The following ZNF169 variants were observed in gnomAD, a reference collection of about 807,000 sequenced individuals.
ZNF169 encodes the protein zinc finger protein 169.
A neutral mutation model predicts 12.0 loss-of-function variants in ZNF169; 11 were observed. The ratio of observed to expected loss-of-function variants is 0.92; its 90% CI spans 0.58 to 1.52. The LOEUF is 1.52. Ranked by LOEUF, ZNF169 falls within the 40% of genes most tolerant of loss-of-function variation. The pLI is 0.00. For synonymous variants in ZNF169, 302 were observed against 286.5 expected, an observed-to-expected ratio of 1.05 and a Z score of -0.55; for missense variants, 722 against 744.0, an observed-to-expected ratio of 0.97 and a Z score of 0.34.
At position 94,278,757 on chromosome 9, in the gene ZNF169, G is replaced by C; in HGVS notation, c.-55-1G>C. The stretch of plus-strand genomic sequence containing the variant: ...CTCTCACTTCTCATCTCTTTCCCCA[G>C]ATTTGCCTCTGCAACTTGACTCTCC... On this transcript the variant is annotated splice_acceptor_variant, in intron 1 of 4. Coordinates refer to ENST00000395395, the MANE Select transcript of ZNF169 (RefSeq NM_194320.4). LOFTEE classifies it low-confidence loss of function (5UTR_SPLICE). 6.3e-7 allele frequency: 1 copy of C among 1,577,454 alleles called. No individual in the cohort carries two copies.
At chr9:94,299,332 T>C (rs566725833) in intron 4 of ZNF169, 405 of 406,816 alleles carry the variant, frequency 1.0e-3, no homozygotes, top group South Asian at 1.4e-3. Context: ...GATTCGTGGG[T>C]GCCCCTTACT....
At chr9:94,280,207 G>T (rs1490208461) in intron 2 of ZNF169, among the ~76,000 whole-genome samples, 2 of 152,188 alleles carry the variant, frequency 1.3e-5, no homozygotes, top group South Asian at 2.1e-4. Flanking sequence ...GTCACTGAGA[G>T]CTGTGAGTCC....
At chr9:94,287,175 C>A (rs1029027314) in intron 2 of ZNF169, among the ~76,000 whole-genome samples, 1 of 152,174 alleles carries the variant, frequency 6.6e-6, no homozygotes, top group African/African-American at 2.4e-5. Context: ...ATGTTCCCTC[C>A]AAGTCTACCA....
At chr9:94,262,329 A>G (rs952223551) in intron 1 of ZNF169, among the ~76,000 whole-genome samples, 2 of 152,190 alleles carry the variant, frequency 1.3e-5, no homozygotes, top group Non-Finnish European at 2.9e-5. Context: ...CAGATGGGAA[A>G]AGGGGGTTAG....
Position 94,292,535 on chromosome 9 carries a change from G to T in ZNF169, c.160+68G>T, listed in dbSNP as rs1830863638. The T allele has an allele frequency of 2.6e-6, 4 of 1,561,614 alleles. No homozygotes were observed. The South Asian group carries it at 3.6e-5, about 14-fold the overall frequency. On this transcript the variant is annotated intron_variant, in intron 3 of 4. Transcript: ENST00000395395. Reference sequence around the variant, plus strand: ...ATTTTAAGCTCTTACATAGCAAGCTGCCATGCTTCTGACTCAGAAAAACAG... The same window carrying T: ...ATTTTAAGCTCTTACATAGCAAGCTTCCATGCTTCTGACTCAGAAAAACAG...
chr9:94,285,925 C>T (rs982586506), intron 2 of ZNF169, among the ~76,000 whole-genome samples: 1 of 151,940 alleles, frequency 6.6e-6, no homozygotes, highest in Non-Finnish European at 1.5e-5. Flanking sequence ...GTAGGAGAAT[C>T]GCTTGAACCC....
intron 2 of ZNF169, among the ~76,000 whole-genome samples, chr9:94,280,886 A>C (rs1179850546): frequency 6.6e-6 from 1 of 152,216 alleles, no homozygotes; most frequent in Admixed American, 6.5e-5. Context: ...AAAGCAGGTG[A>C]CAAGGGGAAC....
chr9:94,292,168 G>C (rs1830854245), intron 2 of ZNF169, among the ~76,000 whole-genome samples, 173 bp from the exon 3 acceptor site: 1 of 152,172 alleles, frequency 6.6e-6, no homozygotes, highest in South Asian at 2.1e-4. Flanking sequence ...GTGTATGGAG[G>C]GGATTAATAG....
At chr9:94,266,625 A>G (rs1321173564) in intron 1 of ZNF169, among the ~76,000 whole-genome samples, 1 of 152,224 alleles carries the variant, frequency 6.6e-6, no homozygotes, top group African/African-American at 2.4e-5. Context: ...TAGGAAAAAT[A>G]GGGAAAAAGG....
At position 94,301,233 on chromosome 9, in the gene ZNF169, C is replaced by T. The variant is rs200991530; in HGVS notation, c.1675C>T (p.Arg559Ter). 2.2e-5 allele frequency: 36 copies of T among 1,611,860 alleles called. No individual in the cohort carries two copies. In the African/African-American group the frequency reaches 3.3e-4, roughly 15 times the overall value. ...CTTTGGCTTTAAGTCTGCCCTCATC[C>T]GACATCAGCGGACCCATTCTGGGGA... The part of the protein sequence containing the change: ...RGFGFKSALI[R>*]HQRTHSGEKP... The change falls in exon 5 of 5, where the codon CGA (arginine) becomes TGA (stop). Residue 559 changes from arginine to a stop codon, truncating the protein, a stop_gained. Transcript: ENST00000395395. LOFTEE classifies it low-confidence loss of function (END_TRUNC).
intron 1 of ZNF169, among the ~76,000 whole-genome samples, chr9:94,276,688 C>T (rs1253219952): frequency 1.3e-5 from 2 of 152,062 alleles, no homozygotes; most frequent in Non-Finnish European, 1.5e-5. Context: ...CGCACCAGGC[C>T]GATTGGTGTC....
Position 94,278,804 on chromosome 9 carries a change from A to G in ZNF169, c.-9A>G. The stretch of plus-strand genomic sequence containing the variant: ...CTCCTCTAGGAAGAGTACTCCAGAG[A>G]GCAGGGATATGTCACCAGGACTCCT... On this transcript the variant is annotated 5_prime_UTR_variant, in exon 2 of 5. Transcript: ENST00000395395. The G allele has an allele frequency of 1.9e-6, 3 of 1,613,912 alleles. No individual in the cohort carries two copies. In the South Asian group the frequency reaches 3.3e-5, roughly 18 times the overall value.
Position 94,301,123 on chromosome 9 carries a change from G to A in ZNF169, c.1565G>A (p.Gly522Glu), listed in dbSNP as rs771471998. ...TACGTAGACAGGGTGTGTGGACAAGGACTTGGCCAGAAGTCACACCTTATC... is the reference window on the plus strand; with the variant it reads ...TACGTAGACAGGGTGTGTGGACAAGAACTTGGCCAGAAGTCACACCTTATC... Reference protein sequence around the residue: ...ELYVDRVCGQGLGQKSHLISD... With the variant: ...ELYVDRVCGQELGQKSHLISD... The change falls in exon 5 of 5, where the codon GGA becomes GAA. Residue 522 changes from glycine to glutamate, a missense_variant. Physicochemically the swap from Gly to Glu is moderately conservative, Grantham distance 98. Coordinates refer to ENST00000395395, the MANE Select transcript of ZNF169 (RefSeq NM_194320.4). 22 of 1,614,022 alleles carry A rather than the reference G, an allele frequency of 1.4e-5. No homozygotes were observed. The East Asian group carries it at 4.7e-4, about 34-fold the overall frequency.
Position 94,301,056 on chromosome 9 carries a change from C to G in ZNF169, c.1498C>G (p.Leu500Val). Reference sequence around the variant, plus strand: ...TGGGCGTGCATTTGGCTTTAAGTCGCTCCTCACCCGACACCAGAGGACACA... The same window carrying G: ...TGGGCGTGCATTTGGCTTTAAGTCGGTCCTCACCCGACACCAGAGGACACA... ...KCGRAFGFKSLLTRHQRTHSE... is the reference protein window; with the variant it reads ...KCGRAFGFKSVLTRHQRTHSE... The change falls in exon 5 of 5, where the codon CTC becomes GTC. Residue 500 changes from leucine to valine, a missense_variant. Leu to Val is a conservative substitution (Grantham distance 32, BLOSUM62 1). Transcript: ENST00000395395. The G allele has an allele frequency of 6.2e-7, 1 of 1,613,750 alleles. No individual in the cohort carries two copies. Among genetic ancestry groups the G allele is most frequent in the Non-Finnish European group, 8.5e-7 (1 of 1,179,926 alleles).
At position 94,300,429 on chromosome 9, in the gene ZNF169, G is replaced by A; in HGVS notation, c.871G>A (p.Val291Met). ...GAAGCACTCGGGGGAGAAGCCGTAT[G>A]TGTGCAGGGAATGTGGGCGACACTT... ...QRKHSGEKPY[V>M]CRECGRHFRY... Residue 291 changes from valine (V) to methionine (M), a missense_variant, in exon 5 of 5, where the codon GTG becomes ATG. Transcript: ENST00000395395. 3 of 1,613,644 alleles carry A rather than the reference G, an allele frequency of 1.9e-6. No homozygotes were observed. The highest frequency in any genetic ancestry group is 1.1e-5 in the South Asian group (1 of 91,036).
intron 2 of ZNF169, among the ~76,000 whole-genome samples, chr9:94,290,972 T>C (rs1830817185): frequency 6.6e-6 from 1 of 151,962 alleles, no homozygotes; most frequent in Non-Finnish European, 1.5e-5. Flanking sequence ...TGGAACAGTA[T>C]TTTTTATTTA....
chr9:94,292,473 G>T lies in ZNF169; in HGVS notation c.160+6G>T, dbSNP rs1019330783. ...CAGCCATCTGGTCTCCCTGGGTAAG[G>T]CTGGCCTGTTTAAGGTTTCAGATTC... On this transcript the variant is annotated splice_donor_region_variant and intron_variant, in intron 3 of 4. Coordinates refer to ENST00000395395, the MANE Select transcript of ZNF169 (RefSeq NM_194320.4). 1 of 1,612,180 alleles carries T rather than the reference G, an allele frequency of 6.2e-7. No homozygotes were observed. Among genetic ancestry groups the T allele is most frequent in the African/African-American group, 1.3e-5 (1 of 74,970 alleles).
chr9:94,291,722 A>G (rs1291077360), intron 2 of ZNF169, among the ~76,000 whole-genome samples: 3 of 152,200 alleles, frequency 2.0e-5, no homozygotes, highest in Non-Finnish European at 4.4e-5. Flanking sequence ...AAATTACTTA[A>G]AAAAAAGAAG....
chr9:94,270,783 A>AT (rs1830387972), intron 1 of ZNF169, among the ~76,000 whole-genome samples: 1 of 49,704 alleles, frequency 2.0e-5, no homozygotes, highest in African/African-American at 5.4e-5. Flanking sequence ...TATATTATAT[A>AT]AATATATATA....
Sources: gnomAD v4.1 joint callset for allele counts (sites outside exome capture counted in the v4.1 genomes callset) on GRCh38, gnomAD v4.1.1 for gene constraint, MANE v1.5 for transcripts, NCBI Gene and HGNC (gene_info 2026-07-23, HGNC 2026-07-21) for gene names.